Variants in CLEC16A observed in about 807,000 individuals in gnomAD.
CLEC16A encodes the protein protein CLEC16A.
In CLEC16A, 51 loss-of-function variants were observed where a neutral mutation model predicts 109.5. That is an observed-to-expected ratio of 0.47 (90% CI 0.37 to 0.59). The LOEUF is 0.59. CLEC16A is among the 20% of genes least tolerant of loss of function. CLEC16A has a pLI of 0.00. For missense variants in CLEC16A, 1,339 were observed against 1,394.0 expected, an observed-to-expected ratio of 0.96 and a Z score of 0.63; for synonymous variants, 673 against 564.2, an observed-to-expected ratio of 1.19 and a Z score of -2.73.
At chr16:11,038,295 C>T (rs16957957) in intron 13 of CLEC16A, among the ~76,000 whole-genome samples, 19,329 of 152,150 alleles carry the variant, frequency 0.13, 1,235 homozygotes, top group South Asian at 0.14. Context: ...CTCAAGGGAC[C>T]GTATTTTAAG....
Position 10,986,012 on chromosome 16 carries a change from A to ATTT in CLEC16A, c.1071+3055_1071+3057dup, listed in dbSNP as rs59547466. Among the ~76,000 whole-genome samples, 62 of 43,454 alleles carry ATTT rather than the reference A, an allele frequency of 1.4e-3. 20 individuals are homozygous for ATTT. Among genetic ancestry groups the ATTT allele is most frequent in the African/African-American group, 6.2e-3 (55 of 8,822 alleles). 28.5% of individuals were successfully genotyped at this position (43,454 alleles called of 152,430 possible). ...TGAGACACTGCACCTGGCCTGCAGA[A>ATTT]TTTTTTTTTTTTTTTTTTTTTTTTT... On this transcript the variant is annotated intron_variant, in intron 10 of 23. Coordinates refer to ENST00000409790, the MANE Select transcript of CLEC16A (RefSeq NM_015226.3).
In CLEC16A at chr16:11,027,421, T is replaced by C. The variant is rs938026936; in HGVS notation, c.1537+2500T>C. The C allele has an allele frequency of 6.1e-6, 9 of 1,467,566 alleles. No individual in the cohort carries two copies. The African/African-American group carries it at 9.6e-5, about 16-fold the overall frequency. 90.9% of individuals were successfully genotyped at this position (1,467,566 alleles called of 1,614,324 possible). On this transcript the variant is annotated intron_variant, in intron 13 of 23. Transcript: ENST00000409790. ...CCCCAGAATCTACAAATGCTGCGTA[T>C]AGTGGAAACTTATGTGACCTGGGGA...
At chr16:10,990,118 G>A (rs773944876) in intron 10 of CLEC16A, among the ~76,000 whole-genome samples, 12 of 152,304 alleles carry the variant, frequency 7.9e-5, no homozygotes, top group Middle Eastern at 3.4e-3. Flanking sequence ...GGTAAAGATA[G>A]ACTTCTATAA....
At position 11,123,334 on chromosome 16, in the gene CLEC16A, T is replaced by C. The variant is rs117950761; in HGVS notation, c.2269-408T>C. Among the ~76,000 whole-genome samples the C allele has an allele frequency of 2.7e-3, 407 of 152,342 alleles. 11 individuals carry two copies. In the East Asian group the frequency reaches 0.047, roughly 18 times the overall value. On this transcript the variant is annotated intron_variant, in intron 20 of 23. Coordinates refer to ENST00000409790, the MANE Select transcript of CLEC16A (RefSeq NM_015226.3). ...ATTGATGAGTAGATGAGCAACTATA[T>C]CTGAGATCATGCCAGATGGTAATAG...
At chr16:11,155,642 A>G (rs559140734) in intron 22 of CLEC16A, among the ~76,000 whole-genome samples, 3 of 152,218 alleles carry the variant, frequency 2.0e-5, no homozygotes, top group African/African-American at 4.8e-5. Context: ...TCTGACTCAC[A>G]TAGTTCCAGA....
chr16:11,020,344 G>A lies in CLEC16A; in HGVS notation c.1436+19G>A, dbSNP rs201357891. The A allele has an allele frequency of 1.0e-4, 162 of 1,591,324 alleles. No homozygotes were observed. In the South Asian group the frequency reaches 1.5e-3, roughly 15 times the overall value. On this transcript the variant is annotated intron_variant, in intron 12 of 23. Coordinates refer to ENST00000409790, the MANE Select transcript of CLEC16A (RefSeq NM_015226.3). Reference sequence around the variant, plus strand: ...GGAGCAGGTAGCTGCCCGAGAGGTCGATGCTGAGTGCTCTCTCAGGGAAGA... The same window carrying A: ...GGAGCAGGTAGCTGCCCGAGAGGTCAATGCTGAGTGCTCTCTCAGGGAAGA...
chr16:11,127,273 A>C (rs553955527), intron 22 of CLEC16A, among the ~76,000 whole-genome samples: 1 of 152,278 alleles, frequency 6.6e-6, no homozygotes, highest in South Asian at 2.1e-4. Context: ...GTATAAATCA[A>C]CCTAATTCTC....
At position 11,162,616 on chromosome 16, in the gene CLEC16A, C is replaced by T. The variant is rs552074917; in HGVS notation, c.2642-3772C>T. ...AGAGAGCACAAATTTTTTGCAAGAG[C>T]GGAAACATATGGGACATGCTTTTTC... On this transcript the variant is annotated intron_variant, in intron 22 of 23. Transcript: ENST00000409790. Among the ~76,000 whole-genome samples the T allele has an allele frequency of 5.3e-5, 8 of 152,274 alleles. No homozygotes were observed. The East Asian group carries it at 5.8e-4, about 11-fold the overall frequency.
chr16:11,145,434 C>T (rs887900424), intron 22 of CLEC16A, among the ~76,000 whole-genome samples: 2 of 152,236 alleles, frequency 1.3e-5, no homozygotes, highest in Admixed American at 6.5e-5. Flanking sequence ...CTCCTGCATC[C>T]AGTCCCTCCC....
intron 11 of CLEC16A, among the ~76,000 whole-genome samples, chr16:11,011,791 T>C (rs1418858273): frequency 6.6e-6 from 1 of 152,146 alleles, no homozygotes. Flanking sequence ...AGAAATCATA[T>C]GTTCATACCA....
chr16:11,165,688 G>C (rs1163603840), intron 22 of CLEC16A, among the ~76,000 whole-genome samples: 3 of 152,080 alleles, frequency 2.0e-5, no homozygotes, highest in Non-Finnish European at 4.4e-5. Flanking sequence ...TGGGAAACAG[G>C]GGTGCACCCA....
chr16:11,075,408 G>GTGTGTA (rs1321313433), intron 19 of CLEC16A, among the ~76,000 whole-genome samples: 5 of 131,690 alleles, frequency 3.8e-5, no homozygotes, highest in Non-Finnish European at 6.5e-5. Context: ...GTGTGTGTGT[G>GTGTGTA]TGTCTGTGTG....
intron 18 of CLEC16A, among the ~76,000 whole-genome samples, chr16:11,059,121 C>T (rs1300092621): frequency 6.6e-6 from 1 of 152,186 alleles, no homozygotes; most frequent in Non-Finnish European, 1.5e-5. Flanking sequence ...AACTCTGCCC[C>T]TCTCAGCTCT....
intron 3 of CLEC16A, among the ~76,000 whole-genome samples, chr16:10,963,417 G>C (rs1362537884): frequency 6.6e-6 from 1 of 152,204 alleles, no homozygotes; most frequent in Non-Finnish European, 1.5e-5. Context: ...ACTATCAGAG[G>C]GTTCCCCTCT....
At position 11,006,015 on chromosome 16, in the gene CLEC16A, T is replaced by G. The variant is rs77802809; in HGVS notation, c.1303+2710T>G. Among the ~76,000 whole-genome samples the G allele has an allele frequency of 4.7e-3, 713 of 152,254 alleles. 4 individuals are homozygous for G. The highest frequency in any genetic ancestry group is 0.016 in the African/African-American group (684 of 41,542). On this transcript the variant is annotated intron_variant, in intron 11 of 23. Coordinates refer to ENST00000409790, the MANE Select transcript of CLEC16A (RefSeq NM_015226.3). The stretch of plus-strand genomic sequence containing the variant: ...CGTTGATATTTGCGATTGCAAGATT[T>G]AGAAATCCAACTCAGACTGGCTTAA...
intron 18 of CLEC16A, among the ~76,000 whole-genome samples, chr16:11,054,953 C>T (rs1192931925): frequency 3.4e-5 from 5 of 147,196 alleles, no homozygotes; most frequent in Admixed American, 3.4e-4. Context: ...TTTTTTTCCA[C>T]CAAGTAGACT....
At chr16:10,970,863 C>T (rs2042748536) in intron 4 of CLEC16A, among the ~76,000 whole-genome samples, 1 of 152,256 alleles carries the variant, frequency 6.6e-6, no homozygotes, top group Non-Finnish European at 1.5e-5. Flanking sequence ...CCTCCCACCT[C>T]AGCCTCTCCC....
At chr16:11,124,807 C>CAGA (rs1431603643) in intron 21 of CLEC16A, among the ~76,000 whole-genome samples, 3 of 152,172 alleles carry the variant, frequency 2.0e-5, no homozygotes, top group African/African-American at 7.2e-5. Flanking sequence ...AAGCCCTTGA[C>CAGA]CAGGCACGGT....
intron 19 of CLEC16A, among the ~76,000 whole-genome samples, chr16:11,094,732 T>C (rs941302743): frequency 6.6e-6 from 1 of 152,232 alleles, no homozygotes; most frequent in African/African-American, 2.4e-5. Flanking sequence ...GCCTCTGCCG[T>C]GTAGTTTCTA....
Sources: gnomAD v4.1 joint callset for allele counts (sites outside exome capture counted in the v4.1 genomes callset) on GRCh38, gnomAD v4.1.1 for gene constraint, MANE v1.5 for transcripts, NCBI Gene and HGNC (gene_info 2026-07-23, HGNC 2026-07-21) for gene names.